Variants in CACNA1H observed in about 807,000 individuals in gnomAD.
CACNA1H encodes the protein calcium voltage-gated channel subunit alpha1 H, also known as voltage-dependent T-type calcium channel subunit alpha-1H.
In CACNA1H, 149 loss-of-function variants were observed where a neutral mutation model predicts 192.5. That is an observed-to-expected ratio of 0.77 (90% CI 0.68 to 0.89). CACNA1H has a LOEUF of 0.89. CACNA1H is among the 40% of genes least tolerant of loss of function. The pLI, the probability that CACNA1H is intolerant of heterozygous loss-of-function variation, is 0.00. For missense variants in CACNA1H, 4,257 were observed against 3,423.5 expected, an observed-to-expected ratio of 1.24 and a Z score of -6.08; for synonymous variants, 2,202 against 1,475.2, an observed-to-expected ratio of 1.49 and a Z score of -11.29.
chr16:1,202,242 G>T lies in CACNA1H; in HGVS notation c.1792G>T (p.Ala598Ser). 6.4e-7 allele frequency: 1 copy of T among 1,562,376 alleles called. No homozygotes were observed. The highest frequency in any genetic ancestry group is 8.7e-7 in the Non-Finnish European group (1 of 1,155,400). Reference protein sequence around the residue: ...RARVAHAAATAAASLRLATGL... With the variant: ...RARVAHAAATSAASLRLATGL... ...CCGGGTGGCACATGCCGCAGCCACT[G>T]CCGCTGCCAGCCTCAGACTGGCCAC... The change falls in exon 9 of 35, where the codon GCC (alanine) becomes TCC (serine). Residue 598 changes from alanine to serine, a missense_variant. Coordinates refer to ENST00000348261, the MANE Select transcript of CACNA1H (RefSeq NM_021098.3).
chr16:1,194,853 G>C (rs1267920374), intron 2 of CACNA1H, 119 bp from the exon 3 acceptor site: 1 of 740,882 alleles, frequency 1.3e-6, no homozygotes, highest in Non-Finnish European at 2.4e-6. Context: ...ACCCCATCCT[G>C]GACACCCCCA....
chr16:1,219,950 C>A, intron 34 of CACNA1H, 31 bp from the exon 35 acceptor site: 1 of 1,273,682 alleles, frequency 7.9e-7, no homozygotes, highest in Non-Finnish European at 1.0e-6. Flanking sequence ...CCCAGGGCCC[C>A]GCCCCTCACT....
At chr16:1,185,424 A>AGCTGGACT (rs1373170642) in intron 2 of CACNA1H, among the ~76,000 whole-genome samples, 36 of 151,698 alleles carry the variant, frequency 2.4e-4, no homozygotes, top group African/African-American at 8.5e-4. Flanking sequence ...CCCGGGTGGC[A>AGCTGGACT]GCTGGACTCC....
In CACNA1H at chr16:1,204,282, C is replaced by A. The variant is rs1343562822; in HGVS notation, c.2275C>A (p.Pro759Thr). Residue 759 changes from proline to threonine, a missense_variant, in exon 10 of 35, where the codon CCC (proline) becomes ACC (threonine). By Grantham distance (38) the Pro-to-Thr change is conservative. Transcript: ENST00000348261. The part of the protein sequence containing the change: ...TDTPGPGPGS[P>T]QRRAQQRAAP... ...CACACCAGGCCCAGGCCCAGGCAGC[C>A]CCCAGCGGCGGGCACAGCAGAGGGC... The A allele has an allele frequency of 6.2e-7, 1 of 1,607,794 alleles. No homozygotes were observed. The highest frequency in any genetic ancestry group is 8.5e-7 in the Non-Finnish European group (1 of 1,177,398).
Position 1,185,666 on chromosome 16 carries a change from C to T in CACNA1H, c.300-9306C>T, listed in dbSNP as rs1368523234. Among the ~76,000 whole-genome samples the T allele has an allele frequency of 8.4e-5, 2 of 23,770 alleles. 1 individual carries two copies. Among genetic ancestry groups the T allele is most frequent in the Non-Finnish European group, 2.6e-4 (2 of 7,662 alleles). The allele number at this position is 23,770 out of a possible 152,430, so 15.6% of individuals were successfully genotyped here. On this transcript the variant is annotated intron_variant, in intron 2 of 34. Coordinates refer to ENST00000348261, the MANE Select transcript of CACNA1H (RefSeq NM_021098.3). ...GTAGACGGTCGGCATGCATAGGGGC[C>T]GGAGGCGGGGTGTGTACGGGGCGGG... is the stretch of plus-strand genomic sequence containing the variant.
At chr16:1,219,265 G>A (rs1970289522) in intron 34 of CACNA1H, 135 bp downstream of exon 34, 1 of 845,128 alleles carries the variant, frequency 1.2e-6, no homozygotes, top group East Asian at 2.8e-5. Context: ...GGGCTCCGAA[G>A]GTTTCTGCCT....
intron 2 of CACNA1H, chr16:1,156,833 C>T (rs1456405873): frequency 1.3e-5 from 2 of 152,214 alleles, no homozygotes; most frequent in African/African-American, 4.8e-5. Context: ...TCTCCTGAAC[C>T]CCGGGGTAGA....
chr16:1,200,231 T>C lies in CACNA1H; in HGVS notation c.804-25T>C, dbSNP rs749013698. ...CGTCCCTGACCCTGATTGTACCTTT[T>C]GGCCCTGGCTGTGCCCATCCCCAGG... is the stretch of plus-strand genomic sequence containing the variant. On this transcript the variant is annotated intron_variant, in intron 6 of 34. Coordinates refer to ENST00000348261, the MANE Select transcript of CACNA1H (RefSeq NM_021098.3). 3 of 1,566,356 alleles carry C rather than the reference T, an allele frequency of 1.9e-6. No homozygotes were observed. In the Admixed American group the frequency reaches 5.6e-5, roughly 29 times the overall value.
At chr16:1,161,853 C>T (rs1324372659) in intron 2 of CACNA1H, among the ~76,000 whole-genome samples, 1 of 152,194 alleles carries the variant, frequency 6.6e-6, no homozygotes, top group Admixed American at 6.5e-5. Flanking sequence ...CTTGCCGCAG[C>T]CTGCCTGTGG....
rs1969930273 is a variant in CACNA1H at position 1,215,379 on chromosome 16, GGTGCCCGC to G, written c.5173+13_5173+20del. ...CGCGTGCTTCGCATTGCCCGTGGTA[GGTGCCCGC>G]GTGCCCGCCAGGTTCTCTCTGCGGG... is the stretch of plus-strand genomic sequence containing the variant. On this transcript the variant is annotated splice_donor_5th_base_variant and intron_variant, in intron 29 of 34. Coordinates refer to ENST00000348261, the MANE Select transcript of CACNA1H (RefSeq NM_021098.3). The G allele has an allele frequency of 1.2e-6, 2 of 1,609,092 alleles. No homozygotes were observed. The highest frequency in any genetic ancestry group is 8.5e-7 in the Non-Finnish European group (1 of 1,178,226).
At position 1,217,970 on chromosome 16, in the gene CACNA1H, G is replaced by C; in HGVS notation, c.5375G>C (p.Ser1792Thr). Residue 1792 changes from serine (S) to threonine (T), a missense_variant, in exon 32 of 35, where the codon AGC becomes ACC. Physicochemically the swap from Ser to Thr is moderately conservative, Grantham distance 58. Transcript: ENST00000348261. Reference protein sequence around the residue: ...CEGLSRHATFSNFGMAFLTLF... With the variant: ...CEGLSRHATFTNFGMAFLTLF... ...GGCCTGAGCAGGCACGCCACCTTCAGCAACTTCGGCATGGCCTTCCTCACG... is the reference window on the plus strand; with the variant it reads ...GGCCTGAGCAGGCACGCCACCTTCACCAACTTCGGCATGGCCTTCCTCACG... 1 of 1,605,052 alleles carries C rather than the reference G, an allele frequency of 6.2e-7. No homozygotes were observed. The highest frequency in any genetic ancestry group is 8.5e-7 in the Non-Finnish European group (1 of 1,176,554).
At chr16:1,217,841 G>T in intron 31 of CACNA1H, 78 bp from the exon 32 acceptor site, 1 of 1,495,424 alleles carries the variant, frequency 6.7e-7, no homozygotes, top group Non-Finnish European at 9.0e-7. Flanking sequence ...TCCCCAAGGG[G>T]CATGTGGAGG....
intron 2 of CACNA1H, among the ~76,000 whole-genome samples, chr16:1,185,704 CGGCGTGCGT>C (rs1249941748): frequency 1.6e-3 from 41 of 25,184 alleles, no homozygotes; most frequent in Admixed American, 3.6e-3. Flanking sequence ...AGTAGACGGT[CGGCGTGCGT>C]AGGGGCCGGA....
At chr16:1,165,151 G>A (rs554721803) in intron 2 of CACNA1H, among the ~76,000 whole-genome samples, 3 of 152,188 alleles carry the variant, frequency 2.0e-5, no homozygotes, top group South Asian at 4.1e-4. Flanking sequence ...GTGGGGGTGC[G>A]GCAGGCACCA....
At chr16:1,192,658 A>G (rs1966725099) in intron 2 of CACNA1H, among the ~76,000 whole-genome samples, 1 of 152,080 alleles carries the variant, frequency 6.6e-6, no homozygotes, top group Non-Finnish European at 1.5e-5. Flanking sequence ...GGAGGGTGTG[A>G]AAGGCCTTGT....
At chr16:1,206,010 G>A in intron 11 of CACNA1H, 94 bp from the exon 12 acceptor site, 1 of 1,241,924 alleles carries the variant, frequency 8.1e-7, no homozygotes, top group Non-Finnish European at 1.1e-6. Context: ...ACAGGCCGCT[G>A]TGGCTCCCTG....
In CACNA1H at chr16:1,210,105, G is replaced by A. The variant is rs772800570; in HGVS notation, c.3815G>A (p.Trp1272Ter). The change falls in exon 18 of 35, where the codon TGG becomes TAG. Residue 1272 changes from tryptophan (W) to a stop codon, truncating the protein, a stop_gained. Coordinates refer to ENST00000348261, the MANE Select transcript of CACNA1H (RefSeq NM_021098.3). LOFTEE classifies it high-confidence loss of function. ...CAGTGGTGCCGGAGCCGCGAGGCCT[G>A]GGCCCTCTACCTCTTCTCCCCACAG... ...KPQWCRSREA[W>*]ALYLFSPQNR... 1 of 1,560,020 alleles carries A rather than the reference G, an allele frequency of 6.4e-7. No homozygotes were observed. Among genetic ancestry groups the A allele is most frequent in the Non-Finnish European group, 8.7e-7 (1 of 1,152,736 alleles).
intron 2 of CACNA1H, among the ~76,000 whole-genome samples, chr16:1,164,337 TTTC>T (rs1963534949): frequency 6.6e-6 from 1 of 152,138 alleles, no homozygotes; most frequent in Non-Finnish European, 1.5e-5. Flanking sequence ...CGTACTGTTT[TTTC>T]TTTTCTTTTT....
At chr16:1,214,451 G>T (rs972324104) in intron 27 of CACNA1H, among the ~76,000 whole-genome samples, 1 of 152,224 alleles carries the variant, frequency 6.6e-6, no homozygotes, top group South Asian at 2.1e-4. Context: ...GCCTGGGCTG[G>T]GAGGGGCAGG....
Sources: allele counts gnomAD v4.1 joint callset (sites outside exome capture counted in the v4.1 genomes callset), GRCh38; gene constraint gnomAD v4.1.1; transcripts MANE v1.5; gene names NCBI Gene and HGNC (gene_info 2026-07-23, HGNC 2026-07-21).